The following ZNG1A variants were observed in gnomAD, a reference collection of about 807,000 sequenced individuals.
The protein encoded by ZNG1A is Zn regulated GTPase metalloprotein activator 1A, also known as zinc-regulated GTPase metalloprotein activator 1A.
At chr9:131,254 A>G in the ZNG1A span, among the ~76,000 whole-genome samples, 20,867 of 133,258 alleles carry the variant, frequency 0.16, 2,232 homozygotes, top group East Asian at 0.4. Flanking sequence ...AAAGAAACAG[A>G]AAAGTGAGCC....
At chr9:177,795 T>C in the ZNG1A span, 3 of 1,529,896 alleles carry the variant, frequency 2.0e-6, no homozygotes, top group Non-Finnish European at 1.8e-6. Context: ...TTTGTTCATC[T>C]TCTCAGCAGA....
the ZNG1A span, chr9:167,566 A>G: frequency 6.7e-6 from 1 of 149,816 alleles, no homozygotes; most frequent in Admixed American, 6.6e-5. Context: ...AAATTCAATC[A>G]GGAGATGGAC....
the ZNG1A span, among the ~76,000 whole-genome samples, chr9:171,124 C>A: frequency 6.6e-6 from 1 of 151,844 alleles, no homozygotes; most frequent in African/African-American, 2.4e-5. Context: ...CCCATGCCTA[C>A]TATAAGGACC....
At chr9:148,052 A>G in the ZNG1A span, 5 of 148,286 alleles carry the variant, frequency 3.4e-5, no homozygotes, top group Non-Finnish European at 5.9e-5. Context: ...TGTCTCAAAA[A>G]GATAAAAATA....
At chr9:125,005 C>G in the ZNG1A span, among the ~76,000 whole-genome samples, 1 of 152,224 alleles carries the variant, frequency 6.6e-6, no homozygotes, top group Non-Finnish European at 1.5e-5. Context: ...GCCAATTGTG[C>G]TGCTATAAAC....
the ZNG1A span, among the ~76,000 whole-genome samples, chr9:142,940 C>A: frequency 1.5e-5 from 2 of 132,378 alleles, no homozygotes; most frequent in East Asian, 4.5e-4. Flanking sequence ...ACTAGAAAAT[C>A]TAGAAGAAAT....
the ZNG1A span, chr9:177,575 G>T: frequency 3.5e-6 from 5 of 1,429,710 alleles, no homozygotes; most frequent in African/African-American, 2.9e-5. Flanking sequence ...GAAGAAAAAT[G>T]TAGTAGAAGC....
At chr9:175,892 A>T in the ZNG1A span, 14 of 1,414,210 alleles carry the variant, frequency 9.9e-6, no homozygotes, top group East Asian at 1.5e-4. Context: ...TATTTTTCAT[A>T]TATTATTTTA....
chr9:171,830 C>T, the ZNG1A span: 4 of 507,892 alleles, frequency 7.9e-6, no homozygotes, highest in South Asian at 2.3e-5. Context: ...TCTGTTCTTA[C>T]AAATAATCCT....
chr9:176,096 C>T, the ZNG1A span, among the ~76,000 whole-genome samples: 1 of 146,572 alleles, frequency 6.8e-6, no homozygotes, highest in Non-Finnish European at 1.5e-5. Context: ...TCAACATTAA[C>T]AAGACGCAAC....
At chr9:173,534 ATTAT>A in the ZNG1A span, among the ~76,000 whole-genome samples, 1 of 151,814 alleles carries the variant, frequency 6.6e-6, no homozygotes, top group Non-Finnish European at 1.5e-5. Context: ...AGTACACTAC[ATTAT>A]TTTAGCTTTT....
chr9:135,882 C>CAG, the ZNG1A span, among the ~76,000 whole-genome samples: 1 of 84,446 alleles, frequency 1.2e-5, no homozygotes, highest in South Asian at 6.9e-4. Flanking sequence ...TCCTGTTTAG[C>CAG]AGTTAAGCAC....
chr9:178,857 A>T, the ZNG1A span: 2 of 1,149,720 alleles, frequency 1.7e-6, no homozygotes, highest in Non-Finnish European at 2.5e-6. Flanking sequence ...CTTGGCGCCG[A>T]GGCCAGACTT....
the ZNG1A span, among the ~76,000 whole-genome samples, chr9:136,790 G>C: frequency 1.3e-4 from 20 of 152,060 alleles, no homozygotes; most frequent in Non-Finnish European, 2.6e-4. Flanking sequence ...TATAATCCCA[G>C]CACTTTAAGA....
At chr9:139,687 G>A in the ZNG1A span, among the ~76,000 whole-genome samples, 5 of 151,952 alleles carry the variant, frequency 3.3e-5, no homozygotes, top group Admixed American at 2.6e-4. Context: ...AACAGCTCCG[G>A]TCTACAGCTC....
At chr9:159,104 T>C in the ZNG1A span, among the ~76,000 whole-genome samples, 1 of 150,560 alleles carries the variant, frequency 6.6e-6, no homozygotes, top group African/African-American at 2.4e-5. Context: ...TTTTGCAAAA[T>C]ATTTTTTAAA....
the ZNG1A span, among the ~76,000 whole-genome samples, chr9:157,673 CACCCATCAAGTAAAATGA>C: frequency 0.053 from 7,914 of 149,420 alleles, 261 homozygotes; most frequent in African/African-American, 0.094. Flanking sequence ...ATTGAACACA[CACCCATCAAGTAAAATGA>C]CATAATTTTA....
chr9:160,165 A>G, the ZNG1A span: 2 of 454,542 alleles, frequency 4.4e-6, no homozygotes, highest in Non-Finnish European at 8.8e-6. Context: ...TGAATATTTC[A>G]CATCAATGGG....
chr9:121,689 T>G, the ZNG1A span: 4 of 1,256,966 alleles, frequency 3.2e-6, no homozygotes, highest in African/African-American at 1.5e-5. Context: ...ACAAAAAGAA[T>G]AGTAATTGAG....
Sources: allele counts gnomAD v4.1 joint callset (sites outside exome capture counted in the v4.1 genomes callset), GRCh38; gene constraint gnomAD v4.1.1; transcripts MANE v1.5; gene names NCBI Gene and HGNC (gene_info 2026-07-23, HGNC 2026-07-21).